Variants in IQCE observed in about 807,000 individuals in gnomAD.
The protein encoded by IQCE is IQ domain-containing protein E.
IQCE carries 115 observed loss-of-function variants against 96.0 expected under a neutral mutation model. The ratio of observed to expected loss-of-function variants is 1.20; its 90% CI spans 1.03 to 1.40. The LOEUF (loss-of-function observed/expected upper bound fraction) is 1.40. IQCE is among the 40% of genes most tolerant of loss of function. IQCE has a pLI of 0.00. For missense variants in IQCE, 1,041 were observed against 909.1 expected (o/e 1.15, Z -1.87); for synonymous variants, 412 against 371.2 (o/e 1.11, Z -1.26).
chr7:2,588,021 C>A (rs983827452), intron 13 of IQCE, 144 bp downstream of exon 13: 49 of 781,086 alleles, frequency 6.3e-5, no homozygotes, highest in Admixed American at 2.6e-4. Context: ...AAGGAGACTT[C>A]TTCCAGGTCT....
In IQCE at chr7:2,610,306, T is replaced by A. The variant is rs1785052668; in HGVS notation, c.*144T>A. 1.1e-5 allele frequency: 7 copies of A among 628,902 alleles called. No individual in the cohort carries two copies. Among genetic ancestry groups the A allele is most frequent in the Non-Finnish European group, 1.7e-5 (6 of 348,782 alleles). The allele number at this position is 628,902 out of a possible 1,614,324, so 39.0% of individuals were successfully genotyped here. ...ATCTGCGTCGTGTCTCTTTGTGCTT[T>A]TGTTTGTGGAAGGAGACCCAAATGC... On this transcript the variant is annotated 3_prime_UTR_variant, in exon 22 of 22. Transcript: ENST00000402050.
At chr7:2,599,419 C>G (rs1468836851) in intron 17 of IQCE, among the ~76,000 whole-genome samples, 2 of 152,174 alleles carry the variant, frequency 1.3e-5, no homozygotes, top group Non-Finnish European at 2.9e-5. Context: ...TGGTCTCGAA[C>G]TCCTGGCCTC....
Position 2,573,447 on chromosome 7 carries a change from GA to G in IQCE, c.429del (p.Glu144LysfsTer10). ...GHVPGTPVYR[E>X]KEDMYDEIIE... ...TGTCCCTGGGACTCCTGTCTACAGA[GA>G]AAAAGAAGATATGTATGACGAGATT... On this transcript the variant is annotated frameshift_variant, in exon 6 of 22. Transcript: ENST00000402050. LOFTEE classifies it high-confidence loss of function. 3 of 1,541,952 alleles carry G rather than the reference GA, an allele frequency of 1.9e-6. No individual in the cohort carries two copies. Among genetic ancestry groups the G allele is most frequent in the Non-Finnish European group, 2.7e-6 (3 of 1,115,014 alleles).
At chr7:2,605,710 C>A (rs904720505) in intron 19 of IQCE, among the ~76,000 whole-genome samples, 166 bp from the exon 20 acceptor site, 1 of 152,124 alleles carries the variant, frequency 6.6e-6, no homozygotes, top group African/African-American at 2.4e-5. Context: ...GAACCTGCCA[C>A]CAGGAGGCTG....
chr7:2,559,822 C>T (rs1780802599), intron 1 of IQCE, among the ~76,000 whole-genome samples: 1 of 133,070 alleles, frequency 7.5e-6, no homozygotes, highest in Non-Finnish European at 1.5e-5. Context: ...AAGATCGTGT[C>T]AGAAAGTGAG....
chr7:2,598,475 T>TCCC lies in IQCE; in HGVS notation c.1452_1454dup (p.Pro485dup). The TCCC allele has an allele frequency of 6.3e-7, 1 of 1,583,648 alleles. No homozygotes were observed. Among genetic ancestry groups the TCCC allele is most frequent in the Non-Finnish European group, 8.6e-7 (1 of 1,166,006 alleles). The stretch of plus-strand genomic sequence containing the variant: ...TTCAATTTCCTGCAGGCCCAAGAGC[T>TCCC]CCCAGCTCCCACTCCCAGCAGCAGG... On this transcript the variant is annotated inframe_insertion, in exon 17 of 22. Coordinates refer to ENST00000402050, the MANE Select transcript of IQCE (RefSeq NM_152558.5).
At chr7:2,596,642 TATAAG>T (rs1784062325) in intron 16 of IQCE, among the ~76,000 whole-genome samples, 1 of 152,220 alleles carries the variant, frequency 6.6e-6, no homozygotes, top group African/African-American at 2.4e-5. Flanking sequence ...TCAAGGAATT[TATAAG>T]CGTGTGAAAA....
intron 15 of IQCE, 63 bp from the exon 16 acceptor site, chr7:2,594,823 C>A (rs1783895494): frequency 1.6e-6 from 2 of 1,224,800 alleles, no homozygotes; most frequent in African/African-American, 1.5e-5. Flanking sequence ...CCACCCTGCC[C>A]TGTGCCGGCC....
Position 2,594,919 on chromosome 7 carries a change from A to G in IQCE, c.1383A>G (p.Gln461=). The G allele has an allele frequency of 6.2e-7, 1 of 1,614,020 alleles. No individual in the cohort carries two copies. The highest frequency in any genetic ancestry group is 2.2e-5 in the East Asian group (1 of 44,880). ...EEIQTLTSKL[Q]ELQEMKKEEK... is the part of the protein sequence containing the mutation. The stretch of plus-strand genomic sequence containing the variant: ...TTCAGACACTTACCAGCAAGCTCCA[A>G]GAATTGCAAGAAATGAAGAAAGAAG... Residue 461 remains glutamine (Q), a synonymous_variant, in exon 16 of 22, where the codon CAA becomes CAG. Coordinates refer to ENST00000402050, the MANE Select transcript of IQCE (RefSeq NM_152558.5).
At chr7:2,581,461 T>TAA (rs1247528465) in intron 8 of IQCE, among the ~76,000 whole-genome samples, 3 of 151,520 alleles carry the variant, frequency 2.0e-5, no homozygotes, top group Non-Finnish European at 2.9e-5. Context: ...CTGCCTTGGC[T>TAA]TCCCAAAGTG....
chr7:2,563,643 C>A (rs1301374807), intron 1 of IQCE, among the ~76,000 whole-genome samples: 1 of 152,090 alleles, frequency 6.6e-6, no homozygotes, highest in Non-Finnish European at 1.5e-5. Flanking sequence ...TTTTAAAATT[C>A]ACTCACTTTC....
chr7:2,614,052 T>C lies in IQCE; in HGVS notation c.*3890T>C, dbSNP rs1248217122. 1 of 152,346 alleles carries C rather than the reference T, an allele frequency of 6.6e-6. No homozygotes were observed. The highest frequency in any genetic ancestry group is 1.9e-4 in the East Asian group (1 of 5,192). 9.4% of individuals were successfully genotyped at this position (152,346 alleles called of 1,614,324 possible). ...GGCTGTGGTCTGTCTGCTGAATGTC[T>C]ATTTTTGTCTCCTGACGAGACGTGA... is the stretch of plus-strand genomic sequence containing the variant. On this transcript the variant is annotated 3_prime_UTR_variant, in exon 22 of 22. Coordinates refer to ENST00000402050, the MANE Select transcript of IQCE (RefSeq NM_152558.5).
chr7:2,573,396 C>A (rs759848669), intron 5 of IQCE, 22 bp from the exon 6 acceptor site: 4 of 1,184,058 alleles, frequency 3.4e-6, no homozygotes, highest in Non-Finnish European at 3.8e-6. Flanking sequence ...GTCTTTGAAA[C>A]GATTTGTTTA....
chr7:2,587,769 C>G, intron 12 of IQCE, 53 bp from the exon 13 acceptor site: 1 of 1,572,314 alleles, frequency 6.4e-7, no homozygotes, highest in Non-Finnish European at 8.8e-7. Context: ...AAGGGTGGCC[C>G]TGCTGGCAGT....
chr7:2,571,577 G>T lies in IQCE; in HGVS notation c.182G>T (p.Arg61Met). ...PRKVASWRSL[R>M]TAGSMPLGGR... ...AAAGTGGCCTCCTGGAGGTCCCTCA[G>T]GACGGCAGGGAGCATGCCTCTGGGC... The change falls in exon 4 of 22, where the codon AGG (arginine) becomes ATG (methionine). Residue 61 changes from arginine (R) to methionine (M), a missense_variant. Coordinates refer to ENST00000402050, the MANE Select transcript of IQCE (RefSeq NM_152558.5). 1 of 1,604,540 alleles carries T rather than the reference G, an allele frequency of 6.2e-7. No homozygotes were observed.
intron 17 of IQCE, among the ~76,000 whole-genome samples, chr7:2,598,933 TCTC>T (rs1323725068): frequency 3.9e-5 from 6 of 152,296 alleles, no homozygotes; most frequent in Admixed American, 6.5e-5. Context: ...AAAAGTGTCT[TCTC>T]CTACCTGACC....
chr7:2,562,651 G>T (rs1781052873), intron 1 of IQCE, among the ~76,000 whole-genome samples: 1 of 146,592 alleles, frequency 6.8e-6, no homozygotes, highest in African/African-American at 2.5e-5. Flanking sequence ...TTTTTTTCTT[G>T]GCTAAAGGTT....
intron 2 of IQCE, among the ~76,000 whole-genome samples, chr7:2,567,916 GGA>G (rs2128432577): frequency 6.6e-6 from 1 of 152,284 alleles, no homozygotes; most frequent in Non-Finnish European, 1.5e-5. Context: ...GATGTTCCCC[GGA>G]GGAGGAGGGA....
At chr7:2,599,908 C>G (rs1356148030) in intron 17 of IQCE, among the ~76,000 whole-genome samples, 1 of 152,114 alleles carries the variant, frequency 6.6e-6, no homozygotes, top group African/African-American at 2.4e-5. Context: ...ATTCTCCTGC[C>G]TCAGCCTCCC....
Sources: gnomAD v4.1 joint callset for allele counts (sites outside exome capture counted in the v4.1 genomes callset) on GRCh38, gnomAD v4.1.1 for gene constraint, MANE v1.5 for transcripts, NCBI Gene and HGNC (gene_info 2026-07-23, HGNC 2026-07-21) for gene names.